Variants in TSNAXIP1 observed in about 807,000 individuals in gnomAD.
TSNAXIP1 encodes the protein translin-associated factor X-interacting protein 1.
In TSNAXIP1, 89 loss-of-function variants were observed where a neutral mutation model predicts 84.8. The observed-to-expected ratio is 1.05, with a 90% confidence interval of 0.88 to 1.25. The LOEUF (loss-of-function observed/expected upper bound fraction) is 1.25. Among genes scored for constraint, TSNAXIP1 ranks in the 50% most tolerant of loss-of-function variants. The probability of loss-of-function intolerance (pLI) is 0.00; values close to 1 mark genes in which losing one functional copy is unlikely to be tolerated. For synonymous variants in TSNAXIP1, 347 were observed against 335.2 expected (o/e 1.04, Z -0.39); for missense variants, 874 against 887.6 (o/e 0.98, Z 0.20).
In TSNAXIP1 at chr16:67,827,450, C is replaced by T. The variant is rs188817243; in HGVS notation, c.1792-23C>T. ...CTGGACCCTACCCAATGTGCCCTCC[C>T]CCTGACTTGTGGCCCCTCCCAGGAT... On this transcript the variant is annotated intron_variant, in intron 14 of 15. Transcript: ENST00000561639. 3.0e-5 allele frequency: 48 copies of T among 1,614,104 alleles called. No individual in the cohort carries two copies. The East Asian group carries it at 9.1e-4, about 31-fold the overall frequency.
At chr16:67,807,246 G>T (rs1395990046) in intron 1 of TSNAXIP1, 50 bp downstream of exon 1, 1 of 1,535,910 alleles carries the variant, frequency 6.5e-7, no homozygotes. Context: ...AGTACTTCTA[G>T]AGAGGGAAAT....
chr16:67,824,632 T>C lies in TSNAXIP1; in HGVS notation c.531T>C (p.Leu177=), dbSNP rs1212883104. ...IRALEPLKAK[L]VTVNEDCNER... is the part of the protein sequence containing the mutation. ...CTCTGGAGCCCCTGAAGGCCAAGCT[T>C]GTCACTGTGAATGAGGACTGCAATG... Residue 177 remains leucine (L), a synonymous_variant, in exon 6 of 16, where the codon CTT becomes CTC. Transcript: ENST00000561639. 5 of 1,613,926 alleles carry C rather than the reference T, an allele frequency of 3.1e-6. No individual in the cohort carries two copies. Among genetic ancestry groups the C allele is most frequent in the Admixed American group, 1.7e-5 (1 of 59,978 alleles).
In TSNAXIP1 at chr16:67,826,717, T is replaced by G; in HGVS notation, c.1427T>G (p.Phe476Cys). The G allele has an allele frequency of 6.2e-7, 1 of 1,613,760 alleles. No individual in the cohort carries two copies. Among genetic ancestry groups the G allele is most frequent in the Non-Finnish European group, 8.5e-7 (1 of 1,179,884 alleles). The part of the protein sequence containing the change: ...EQKETFPDFF[F>C]NFLEHRFGPS... ...AAAGAGACGTTCCCAGATTTCTTCT[T>G]CAATTTCCTGGAGCATCGCTTTGGG... The change falls in exon 12 of 16, where the codon TTC becomes TGC. Residue 476 changes from phenylalanine to cysteine, a missense_variant. Physicochemically the swap from Phe to Cys is radical, Grantham distance 205. Transcript: ENST00000561639.
intron 1 of TSNAXIP1, among the ~76,000 whole-genome samples, chr16:67,812,170 C>G (rs2056144733): frequency 6.6e-6 from 1 of 151,996 alleles, no homozygotes; most frequent in African/African-American, 2.4e-5. Flanking sequence ...CACACACCCC[C>G]ACCCCATGGA....
chr16:67,815,892 T>C (rs534072171), intron 2 of TSNAXIP1, among the ~76,000 whole-genome samples: 4 of 150,024 alleles, frequency 2.7e-5, no homozygotes, highest in Admixed American at 6.7e-5. Flanking sequence ...CTCCGCCTCC[T>C]GGGTTCAAGT....
intron 2 of TSNAXIP1, among the ~76,000 whole-genome samples, chr16:67,816,962 T>A (rs79609468): frequency 2.0e-5 from 3 of 150,808 alleles, no homozygotes; most frequent in African/African-American, 4.9e-5. Flanking sequence ...TTTTTTTTTT[T>A]AATATTAATT....
Position 67,824,999 on chromosome 16 carries a change from C to T in TSNAXIP1, c.679-138C>T, listed in dbSNP as rs1320046365. On this transcript the variant is annotated intron_variant, in intron 6 of 15. Transcript: ENST00000561639. ...CACCTTGCCGAATTCTCAGAAATGG[C>T]CAATCTCCTTCTTCTTTCACCTTTC... 3.9e-6 allele frequency: 5 copies of T among 1,285,284 alleles called. No homozygotes were observed. The Admixed American group carries it at 1.3e-4, about 33-fold the overall frequency. The allele number at this position is 1,285,284 out of a possible 1,614,324, so 79.6% of individuals were successfully genotyped here.
chr16:67,809,530 C>T (rs1393943671), intron 1 of TSNAXIP1, among the ~76,000 whole-genome samples: 1 of 150,794 alleles, frequency 6.6e-6, no homozygotes, highest in East Asian at 2.0e-4. Flanking sequence ...GGCTGAGGCA[C>T]AAGAATTGCT....
chr16:67,813,779 A>G (rs1294239837), intron 1 of TSNAXIP1, among the ~76,000 whole-genome samples: 1 of 150,806 alleles, frequency 6.6e-6, no homozygotes, highest in Non-Finnish European at 1.5e-5. Flanking sequence ...TTCTTTGTGA[A>G]GAAACCAGGC....
rs759803003 is a variant in TSNAXIP1 at position 67,826,439 on chromosome 16, C to T, written c.1278C>T (p.Gly426=). 1.9e-6 allele frequency: 3 copies of T among 1,613,448 alleles called. No individual in the cohort carries two copies. In the South Asian group the frequency reaches 3.3e-5, roughly 18 times the overall value. Reference sequence around the variant, plus strand: ...TGAGCTGATATCCTCCCTCCTAGGGCTATGGGGAAGCCATCCCTGCTTTTC... The same window carrying T: ...TGAGCTGATATCCTCCCTCCTAGGGTTATGGGGAAGCCATCCCTGCTTTTC... ...LREKDFFPGL[G]YGEAIPAFLR... Residue 426 remains glycine, a splice_region_variant and synonymous_variant, in exon 11 of 16, where the codon GGC becomes GGT. Coordinates refer to ENST00000561639, the MANE Select transcript of TSNAXIP1 (RefSeq NM_001288990.3).
Position 67,819,815 on chromosome 16 carries a change from A to ATTTTTTTTTTTTTTTTT in TSNAXIP1, c.148-1018_148-1002dup, listed in dbSNP as rs1162375778. On this transcript the variant is annotated intron_variant, in intron 2 of 15. Transcript: ENST00000561639. Reference sequence around the variant, plus strand: ...AGCACATGCCACCACACCTGGCTAAATTTTTTTTTTTTTTTTTTTTTTGAG... The same window carrying ATTTTTTTTTTTTTTTTT: ...AGCACATGCCACCACACCTGGCTAAATTTTTTTTTTTTTTTTTTTTTTTTTTTTTTTTTTTTTTTGAG... Among the ~76,000 whole-genome samples, 50 of 102,634 alleles carry ATTTTTTTTTTTTTTTTT rather than the reference A, an allele frequency of 4.9e-4. 2 individuals are homozygous for ATTTTTTTTTTTTTTTTT. Among genetic ancestry groups the ATTTTTTTTTTTTTTTTT allele is most frequent in the African/African-American group, 1.9e-3 (45 of 23,826 alleles). 67.3% of individuals were successfully genotyped at this position (102,634 alleles called of 152,430 possible).
chr16:67,816,246 C>A (rs1375434597), intron 2 of TSNAXIP1, among the ~76,000 whole-genome samples: 1 of 151,980 alleles, frequency 6.6e-6, no homozygotes, highest in Non-Finnish European at 1.5e-5. Flanking sequence ...GGATTACAGG[C>A]GTGAGCCACT....
At chr16:67,817,004 C>A (rs1297221118) in intron 2 of TSNAXIP1, among the ~76,000 whole-genome samples, 1 of 151,288 alleles carries the variant, frequency 6.6e-6, no homozygotes, top group Non-Finnish European at 1.5e-5. Context: ...CCTCGCTCCT[C>A]GCCCAGGCTG....
In TSNAXIP1 at chr16:67,807,131, GC is replaced by G; in HGVS notation, c.-16del. 6.5e-7 allele frequency: 1 copy of G among 1,534,348 alleles called. No individual in the cohort carries two copies. Among genetic ancestry groups the G allele is most frequent in the Non-Finnish European group, 8.7e-7 (1 of 1,146,482 alleles). ...GCTTCCCAGGCCGCGGGTGCTGATT[GC>G]CCGCCTGCCCGTGGGTCATGGCCTG... On this transcript the variant is annotated 5_prime_UTR_variant, in exon 1 of 16. Coordinates refer to ENST00000561639, the MANE Select transcript of TSNAXIP1 (RefSeq NM_001288990.3).
chr16:67,813,747 A>AAAAAAAAAAAAAAAAAC (rs1460291472), intron 1 of TSNAXIP1, among the ~76,000 whole-genome samples: 1 of 151,562 alleles, frequency 6.6e-6, no homozygotes, highest in Non-Finnish European at 1.5e-5. Flanking sequence ...AAAAAAAAAA[A>AAAAAAAAAAAAAAAAAC]AAAAAAAAGA....
In TSNAXIP1 at chr16:67,821,301, G is replaced by A. The variant is rs2057034320; in HGVS notation, c.387+76G>A. ...GCTTCACCTACCGGCCGGGCACAGTGGCTCACGCCTGTAATCTCAGCACTT... is the reference window on the plus strand; with the variant it reads ...GCTTCACCTACCGGCCGGGCACAGTAGCTCACGCCTGTAATCTCAGCACTT... On this transcript the variant is annotated intron_variant, in intron 4 of 15. Coordinates refer to ENST00000561639, the MANE Select transcript of TSNAXIP1 (RefSeq NM_001288990.3). 4 of 1,549,740 alleles carry A rather than the reference G, an allele frequency of 2.6e-6. No homozygotes were observed. In the South Asian group the frequency reaches 4.8e-5, roughly 19 times the overall value.
At chr16:67,825,641 G>A (rs1233415098) in intron 7 of TSNAXIP1, 26 bp from the exon 8 acceptor site, 2 of 1,594,592 alleles carry the variant, frequency 1.3e-6, no homozygotes, top group African/African-American at 1.3e-5. Flanking sequence ...CGGTGACACG[G>A]GCTGGTGGGC....
intron 2 of TSNAXIP1, among the ~76,000 whole-genome samples, chr16:67,819,270 T>A (rs571597851): frequency 2.0e-5 from 3 of 147,566 alleles, no homozygotes; most frequent in Non-Finnish European, 4.5e-5. Flanking sequence ...TGAGATGGAG[T>A]TTCACTCTTG....
At chr16:67,810,705 G>T (rs184994038) in intron 1 of TSNAXIP1, among the ~76,000 whole-genome samples, 2 of 152,062 alleles carry the variant, frequency 1.3e-5, no homozygotes, top group East Asian at 3.9e-4. Flanking sequence ...CCCCTCTGAG[G>T]GTTACCATAA....
Sources: allele counts gnomAD v4.1 joint callset (sites outside exome capture counted in the v4.1 genomes callset), GRCh38; gene constraint gnomAD v4.1.1; transcripts MANE v1.5; gene names NCBI Gene and HGNC (gene_info 2026-07-23, HGNC 2026-07-21).